The following TRABD2B variants were observed in gnomAD, a reference collection of about 807,000 sequenced individuals.
TRABD2B encodes metalloprotease TIKI2.
TRABD2B carries 14 observed loss-of-function variants against 40.1 expected under a neutral mutation model. The observed-to-expected ratio is 0.35, with a 90% CI of 0.23 to 0.55. The LOEUF (loss-of-function observed/expected upper bound fraction) is 0.55. Ranked by LOEUF, TRABD2B falls within the 20% of genes least tolerant of loss-of-function variation. TRABD2B has a pLI of 0.90. For synonymous variants in TRABD2B, 263 were observed against 277.0 expected, an observed-to-expected ratio of 0.95 and a Z score of 0.50; for missense variants, 541 against 648.6, an observed-to-expected ratio of 0.83 and a Z score of 1.80.
Position 47,820,814 on chromosome 1 carries a change from AC to A in TRABD2B, c.667-19196del, listed in dbSNP as rs1645098337. On this transcript the variant is annotated intron_variant, in intron 2 of 6. Transcript: ENST00000606738. ...CACACACACACACACACACACACAC[AC>A]ACACACAAAATCTTACTTACTCTTC... Among the ~76,000 whole-genome samples the A allele has an allele frequency of 2.0e-5, 3 of 152,066 alleles. No individual in the cohort carries two copies. The East Asian group carries it at 5.8e-4, about 29-fold the overall frequency.
intron 2 of TRABD2B, among the ~76,000 whole-genome samples, chr1:47,952,461 A>G (rs1345008404): frequency 6.6e-6 from 1 of 152,122 alleles, no homozygotes; most frequent in Non-Finnish European, 1.5e-5. Context: ...ATGGCCACAA[A>G]CAGAAGAATG....
In TRABD2B at chr1:47,878,648, G is replaced by T. The variant is rs80204331; in HGVS notation, c.667-77029C>A. Among the ~76,000 whole-genome samples, 356 of 152,312 alleles carry T rather than the reference G, an allele frequency of 2.3e-3. 1 individual carries two copies. The highest frequency in any genetic ancestry group is 8.2e-3 in the African/African-American group (342 of 41,554). Reference sequence around the variant, plus strand: ...AAAGGAATGACAAATACAAAATCTAGAATTGAGCTATCTCTTGAGAGGCAG... The same window carrying T: ...AAAGGAATGACAAATACAAAATCTATAATTGAGCTATCTCTTGAGAGGCAG... On this transcript the variant is annotated intron_variant, in intron 2 of 6. Transcript: ENST00000606738.
chr1:47,834,708 G>A (rs1645296126), intron 2 of TRABD2B, among the ~76,000 whole-genome samples: 1 of 152,088 alleles, frequency 6.6e-6, no homozygotes, highest in Admixed American at 6.5e-5. Context: ...AGACTTCAAT[G>A]GCTTTACAGA....
intron 4 of TRABD2B, among the ~76,000 whole-genome samples, chr1:47,791,182 G>A (rs1257291778): frequency 6.6e-6 from 1 of 152,154 alleles, no homozygotes; most frequent in African/African-American, 2.4e-5. Context: ...GCACTGGAGG[G>A]GCCAGGCAGG....
At position 47,892,527 on chromosome 1, in the gene TRABD2B, C is replaced by T. The variant is rs981971023; in HGVS notation, c.667-90908G>A. Among the ~76,000 whole-genome samples, 31 of 152,084 alleles carry T rather than the reference C, an allele frequency of 2.0e-4. 1 individual carries two copies. Among genetic ancestry groups the T allele is most frequent in the African/African-American group, 7.5e-4 (31 of 41,400 alleles). On this transcript the variant is annotated intron_variant, in intron 2 of 6. Coordinates refer to ENST00000606738, the MANE Select transcript of TRABD2B (RefSeq NM_001194986.2). ...GATTGAAATGATGGTCTCCTCGGTA[C>T]AAAGTAAGAATGGATAAGTACAGAA... is the stretch of plus-strand genomic sequence containing the variant.
chr1:47,826,160 C>G (rs1645171045), intron 2 of TRABD2B, among the ~76,000 whole-genome samples: 1 of 152,188 alleles, frequency 6.6e-6, no homozygotes, highest in African/African-American at 2.4e-5. Context: ...CTCCATCCAT[C>G]ACACATACAT....
chr1:47,789,100 T>A (rs770557267), intron 4 of TRABD2B, among the ~76,000 whole-genome samples: 35 of 152,184 alleles, frequency 2.3e-4, no homozygotes, highest in Non-Finnish European at 3.8e-4. Context: ...TTTGGTCCAG[T>A]ATGTCCTCAC....
At chr1:47,788,171 A>G (rs1250067597) in intron 4 of TRABD2B, among the ~76,000 whole-genome samples, 2 of 152,118 alleles carry the variant, frequency 1.3e-5, no homozygotes, top group Admixed American at 1.3e-4. Context: ...GGGCCATATA[A>G]GTTGATGGAT....
chr1:47,953,523 A>T (rs776717186), intron 2 of TRABD2B, among the ~76,000 whole-genome samples: 2 of 152,142 alleles, frequency 1.3e-5, no homozygotes, highest in African/African-American at 2.4e-5. Context: ...TTTCTCAGAC[A>T]AAAGGAAACC....
At chr1:47,798,694 C>G (rs768995309) in intron 3 of TRABD2B, among the ~76,000 whole-genome samples, 3 of 152,220 alleles carry the variant, frequency 2.0e-5, no homozygotes, top group Non-Finnish European at 4.4e-5. Context: ...CCCTCAGCAT[C>G]CCCTCTTTAC....
chr1:47,976,018 C>A (rs780916954), intron 2 of TRABD2B, among the ~76,000 whole-genome samples: 19 of 152,132 alleles, frequency 1.2e-4, no homozygotes, highest in Non-Finnish European at 2.6e-4. Context: ...GAGCTGGGGC[C>A]AGACCAGAAA....
chr1:47,987,908 C>T (rs574486924), intron 2 of TRABD2B, among the ~76,000 whole-genome samples: 1 of 152,106 alleles, frequency 6.6e-6, no homozygotes, highest in African/African-American at 2.4e-5. Context: ...ATGGTATAGG[C>T]GATGCCAGCC....
chr1:47,993,778 T>C (rs1646047252), intron 2 of TRABD2B, among the ~76,000 whole-genome samples: 1 of 152,182 alleles, frequency 6.6e-6, no homozygotes, highest in Non-Finnish European at 1.5e-5. Context: ...GTGAGGAGTG[T>C]ACATCCCCAA....
intron 2 of TRABD2B, among the ~76,000 whole-genome samples, chr1:47,830,455 A>G (rs546595821): frequency 6.6e-6 from 1 of 152,330 alleles, no homozygotes; most frequent in South Asian, 2.1e-4. Flanking sequence ...ATCAGAAGGA[A>G]CTGGGTTCTA....
At chr1:47,955,885 G>A (rs183522159) in intron 2 of TRABD2B, among the ~76,000 whole-genome samples, 124 of 152,296 alleles carry the variant, frequency 8.1e-4, no homozygotes, top group African/African-American at 2.8e-3. Flanking sequence ...ACAGATTTCA[G>A]TTATACCTGC....
intron 4 of TRABD2B, among the ~76,000 whole-genome samples, chr1:47,781,448 G>A (rs775959274): frequency 2.4e-4 from 36 of 152,206 alleles, no homozygotes; most frequent in African/African-American, 8.2e-4. Context: ...CAGCCCGGCC[G>A]ATGGTGCAGG....
intron 2 of TRABD2B, among the ~76,000 whole-genome samples, chr1:47,986,528 C>T (rs1192466013): frequency 6.6e-6 from 1 of 152,100 alleles, no homozygotes; most frequent in Non-Finnish European, 1.5e-5. Flanking sequence ...GAAAGAATGT[C>T]GTAAAATGCC....
At chr1:47,946,050 C>T (rs936351063) in intron 2 of TRABD2B, among the ~76,000 whole-genome samples, 9 of 152,138 alleles carry the variant, frequency 5.9e-5, no homozygotes, top group African/African-American at 1.9e-4. Flanking sequence ...TCTCATCAAC[C>T]CTTGCTATTA....
intron 2 of TRABD2B, among the ~76,000 whole-genome samples, chr1:47,849,789 G>A (rs908546304): frequency 2.0e-5 from 3 of 152,172 alleles, no homozygotes; most frequent in Non-Finnish European, 2.9e-5. Flanking sequence ...CGTGGCTCCC[G>A]CCCAAGGTTT....
Sources: allele counts gnomAD v4.1 joint callset (sites outside exome capture counted in the v4.1 genomes callset), GRCh38; gene constraint gnomAD v4.1.1; transcripts MANE v1.5; gene names NCBI Gene and HGNC (gene_info 2026-07-23, HGNC 2026-07-21).